Variants in NELL1 observed in about 807,000 individuals in gnomAD.
NELL1 encodes neural EGFL like 1.
A neutral mutation model predicts 107.4 loss-of-function variants in NELL1; 76 were observed. The observed-to-expected ratio is 0.71, with a 90% CI of 0.59 to 0.86. The LOEUF is 0.86. Among genes scored for constraint, NELL1 ranks in the 40% least tolerant of loss-of-function variants. The pLI, the probability that NELL1 is intolerant of heterozygous loss-of-function variation, is 0.00. For missense variants in NELL1, 1,024 were observed against 1,005.5 expected, an observed-to-expected ratio of 1.02 and a Z score of -0.25; for synonymous variants, 353 against 341.2, an observed-to-expected ratio of 1.03 and a Z score of -0.38.
chr11:20,702,446 C>T (rs1234418176), intron 2 of NELL1, among the ~76,000 whole-genome samples: 4 of 152,120 alleles, frequency 2.6e-5, no homozygotes, highest in African/African-American at 9.7e-5. Context: ...ACAATCATGT[C>T]ATCTGCAAAC....
At chr11:21,324,283 C>A (rs1406517383) in intron 14 of NELL1, among the ~76,000 whole-genome samples, 1 of 151,986 alleles carries the variant, frequency 6.6e-6, no homozygotes, top group African/African-American at 2.4e-5. Context: ...GACAAAAGAG[C>A]TTTTGACTCT....
At chr11:21,049,757 A>G (rs1398840746) in intron 12 of NELL1, among the ~76,000 whole-genome samples, 1 of 151,660 alleles carries the variant, frequency 6.6e-6, no homozygotes, top group Non-Finnish European at 1.5e-5. Context: ...AGCTCCCTGC[A>G]ACCTCCATCT....
chr11:21,351,131 T>A (rs912053199), intron 14 of NELL1, among the ~76,000 whole-genome samples: 10 of 152,114 alleles, frequency 6.6e-5, no homozygotes, highest in Middle Eastern at 3.2e-3. Context: ...ATTGGAGTTA[T>A]AATGCTACAA....
chr11:21,018,713 T>C (rs1170384003), intron 12 of NELL1, among the ~76,000 whole-genome samples: 1 of 152,098 alleles, frequency 6.6e-6, no homozygotes, highest in Admixed American at 6.6e-5. Flanking sequence ...CCCCACAAGC[T>C]GGTGCAAGAG....
At chr11:21,452,107 T>C (rs1190676475) in intron 15 of NELL1, among the ~76,000 whole-genome samples, 7 of 152,184 alleles carry the variant, frequency 4.6e-5, no homozygotes, top group Non-Finnish European at 1.0e-4. Context: ...AGTTAATTAT[T>C]GTCAGAAAAG....
At chr11:21,303,152 G>T (rs1471582457) in intron 14 of NELL1, among the ~76,000 whole-genome samples, 1 of 151,556 alleles carries the variant, frequency 6.6e-6, no homozygotes, top group African/African-American at 2.4e-5. Context: ...TACATATATA[G>T]ATAGATAAAT....
At chr11:21,085,506 C>T (rs1385201157) in intron 12 of NELL1, among the ~76,000 whole-genome samples, 1 of 151,984 alleles carries the variant, frequency 6.6e-6, no homozygotes, top group Non-Finnish European at 1.5e-5. Flanking sequence ...TTTGGTGGCC[C>T]ATATTTGTAG....
chr11:21,020,699 C>T (rs1158435394), intron 12 of NELL1, among the ~76,000 whole-genome samples: 2 of 151,960 alleles, frequency 1.3e-5, no homozygotes. Flanking sequence ...AGCTGGAAGA[C>T]ATCACTCCTT....
At chr11:21,088,340 A>G (rs772817239) in intron 12 of NELL1, among the ~76,000 whole-genome samples, 8 of 152,112 alleles carry the variant, frequency 5.3e-5, no homozygotes, top group Non-Finnish European at 7.4e-5. Context: ...TTTTCTCATT[A>G]TCATAATTAC....
intron 13 of NELL1, among the ~76,000 whole-genome samples, chr11:21,150,589 A>G (rs80055344): frequency 0.011 from 1,622 of 152,310 alleles, 21 homozygotes; most frequent in African/African-American, 0.037. Flanking sequence ...GGCCTGGGCA[A>G]TAGGACACTG....
chr11:20,808,585 T>A (rs1479732763), intron 3 of NELL1, among the ~76,000 whole-genome samples: 1 of 152,218 alleles, frequency 6.6e-6, no homozygotes. Context: ...TATTAGGACT[T>A]GCCTACGAGT....
chr11:21,241,904 ATTTT>A (rs10652603), intron 14 of NELL1, among the ~76,000 whole-genome samples: 2 of 134,136 alleles, frequency 1.5e-5, no homozygotes, highest in Non-Finnish European at 3.1e-5. Flanking sequence ...GTCTGTTTCT[ATTTT>A]TTTTTTTTTT....
At chr11:20,936,556 C>T (rs559658826) in intron 9 of NELL1, among the ~76,000 whole-genome samples, 1 of 152,310 alleles carries the variant, frequency 6.6e-6, no homozygotes, top group East Asian at 1.9e-4. Flanking sequence ...GATCTTGCCC[C>T]TCAACATCGA....
intron 15 of NELL1, among the ~76,000 whole-genome samples, chr11:21,434,861 C>T (rs562924049): frequency 8.8e-4 from 134 of 152,120 alleles, no homozygotes; most frequent in African/African-American, 3.1e-3. Flanking sequence ...ATTTCATCAA[C>T]ATTTTGTAGT....
chr11:20,885,210 A>G (rs1483458372), intron 4 of NELL1, among the ~76,000 whole-genome samples: 1 of 152,196 alleles, frequency 6.6e-6, no homozygotes, highest in Non-Finnish European at 1.5e-5. Flanking sequence ...GGACACTCAA[A>G]AATGTCACCT....
At chr11:20,928,000 T>C (rs1006390158) in intron 8 of NELL1, among the ~76,000 whole-genome samples, 6 of 152,236 alleles carry the variant, frequency 3.9e-5, no homozygotes, top group Non-Finnish European at 8.8e-5. Flanking sequence ...AATTACTTGA[T>C]AAATATCTGA....
intron 2 of NELL1, among the ~76,000 whole-genome samples, chr11:20,746,501 G>A (rs1158536402): frequency 6.6e-6 from 1 of 151,954 alleles, no homozygotes; most frequent in African/African-American, 2.4e-5. Flanking sequence ...ATCGAAGTAT[G>A]TGGCATACAG....
At chr11:20,817,274 T>C (rs575897774) in intron 3 of NELL1, among the ~76,000 whole-genome samples, 1 of 151,898 alleles carries the variant, frequency 6.6e-6, no homozygotes, top group African/African-American at 2.4e-5. Context: ...GGTCTAGGGC[T>C]TTTTTTTGCT....
rs116301673 is a variant in NELL1, at chr11:20,798,131, T to C, written c.335+14301T>C. Among the ~76,000 whole-genome samples the C allele has an allele frequency of 5.2e-3, 797 of 152,284 alleles. 4 individuals carry two copies. The highest frequency in any genetic ancestry group is 0.018 in the African/African-American group (760 of 41,554). ...TACTTGAGGATGGACAGTTAGGCTA[T>C]GGTGTGCATTGGGAAGTAGCAATTT... is the stretch of plus-strand genomic sequence containing the variant. On this transcript the variant is annotated intron_variant, in intron 3 of 19. Transcript: ENST00000357134.
Sources: gnomAD v4.1 joint callset for allele counts (sites outside exome capture counted in the v4.1 genomes callset) on GRCh38, gnomAD v4.1.1 for gene constraint, MANE v1.5 for transcripts, NCBI Gene and HGNC (gene_info 2026-07-23, HGNC 2026-07-21) for gene names.